The following PPP2R2B variants were observed in gnomAD, a reference collection of about 807,000 sequenced individuals.
PPP2R2B encodes the protein protein phosphatase 2 regulatory subunit Bbeta.
A neutral mutation model predicts 46.0 loss-of-function variants in PPP2R2B; 5 were observed. That is an observed-to-expected ratio of 0.11 (90% CI 0.06 to 0.23). The LOEUF (loss-of-function observed/expected upper bound fraction) is 0.23, where lower values mean the gene tolerates loss of function less well. PPP2R2B is among the 10% of genes least tolerant of loss of function. The pLI is 1.00. For missense variants in PPP2R2B, 367 were observed against 575.0 expected (o/e 0.64, Z 3.70); for synonymous variants, 215 against 206.7 (o/e 1.04, Z -0.34).
chr5:146,797,238 T>A (rs1756594847), intron 2 of PPP2R2B, among the ~76,000 whole-genome samples: 1 of 152,236 alleles, frequency 6.6e-6, no homozygotes. Flanking sequence ...ATGCACCATC[T>A]GTGGATTCTT....
chr5:146,626,259 T>G (rs552299010), intron 7 of PPP2R2B, among the ~76,000 whole-genome samples: 4 of 150,668 alleles, frequency 2.7e-5, no homozygotes, highest in Admixed American at 1.4e-4. Flanking sequence ...AGGTGAACTT[T>G]GATTTCACTG....
At chr5:147,055,847 G>C (rs757646208) in exon 1 of PPP2R2B, 1 of 1,489,762 alleles carries the variant, frequency 6.7e-7, no homozygotes, top group Non-Finnish European at 8.9e-7. Context: ...TGTTTATGTA[G>C]GTTCTTTCCC....
rs150070863 is a variant in PPP2R2B at position 146,717,709 on chromosome 5, C to T, written c.71-16567G>A. On this transcript the variant is annotated intron_variant, in intron 2 of 9. Transcript: ENST00000394411. ...GTCATCATTAAGAACACTTTGTGAA[C>T]GGGCCCTTTCCTCCCTCGCAAACTA... 3.9e-3 allele frequency among the ~76,000 whole-genome samples: 595 copies of T among 152,172 alleles called. 2 individuals carry two copies. Among genetic ancestry groups the T allele is most frequent in the South Asian group, 0.015 (70 of 4,808 alleles).
intron 4 of PPP2R2B, among the ~76,000 whole-genome samples, chr5:146,694,948 T>G (rs1351471024): frequency 6.6e-6 from 1 of 152,124 alleles, no homozygotes; most frequent in East Asian, 1.9e-4. Context: ...AGAATATATT[T>G]GTATACTATA....
chr5:146,593,838 C>T (rs1050627006), intron 8 of PPP2R2B, among the ~76,000 whole-genome samples: 3 of 152,118 alleles, frequency 2.0e-5, no homozygotes, highest in African/African-American at 7.2e-5. Flanking sequence ...AAGAAGAGAC[C>T]TCACAGAAAG....
chr5:146,715,851 C>T (rs1780468697), intron 2 of PPP2R2B, among the ~76,000 whole-genome samples: 2 of 151,998 alleles, frequency 1.3e-5, no homozygotes, highest in Non-Finnish European at 2.9e-5. Flanking sequence ...TCATCTTTCA[C>T]TCACAGTTGT....
At chr5:146,688,119 T>A (rs573991930) in intron 5 of PPP2R2B, among the ~76,000 whole-genome samples, 226 of 152,166 alleles carry the variant, frequency 1.5e-3, no homozygotes, top group African/African-American at 5.3e-3. Flanking sequence ...GACTTTTCAG[T>A]GTTTAAAGAG....
At position 146,691,259 on chromosome 5, in the gene PPP2R2B, T is replaced by C; in HGVS notation, c.335-19A>G. On this transcript the variant is annotated intron_variant, in intron 4 of 9. Coordinates refer to ENST00000394411, the MANE Select transcript of PPP2R2B (RefSeq NM_181675.4). ...GTTTTATCTGTAGTGGGCAACCAGA[T>C]TAAGTCAGAATTATAGTGAAAAGCA... 2 of 1,606,562 alleles carry C rather than the reference T, an allele frequency of 1.2e-6. No individual in the cohort carries two copies. The highest frequency in any genetic ancestry group is 3.3e-4 in the Middle Eastern group (2 of 6,052).
intron 1 of PPP2R2B, among the ~76,000 whole-genome samples, chr5:147,007,559 C>T (rs1367393598): frequency 6.6e-6 from 1 of 152,178 alleles, no homozygotes; most frequent in Admixed American, 6.5e-5. Context: ...GCAAACTGCT[C>T]AGGTCCCCTT....
chr5:147,047,140 T>C (rs1756581874), intron 1 of PPP2R2B, among the ~76,000 whole-genome samples: 1 of 152,034 alleles, frequency 6.6e-6, no homozygotes, highest in Non-Finnish European at 1.5e-5. Flanking sequence ...CACCATGTTG[T>C]ATCAAAACAC....
chr5:146,703,780 TATG>T (rs1410046272), intron 2 of PPP2R2B, among the ~76,000 whole-genome samples: 1 of 152,216 alleles, frequency 6.6e-6, no homozygotes, highest in Non-Finnish European at 1.5e-5. Context: ...AATTCTGCAT[TATG>T]GAGTATTAGG....
At chr5:147,004,480 C>T (rs557321214) in intron 1 of PPP2R2B, among the ~76,000 whole-genome samples, 3 of 152,304 alleles carry the variant, frequency 2.0e-5, no homozygotes, top group African/African-American at 4.8e-5. Context: ...TCCTGGATGA[C>T]TGTCCTCAAG....
At chr5:146,864,937 G>A (rs1378193620) in intron 2 of PPP2R2B, among the ~76,000 whole-genome samples, 1 of 152,096 alleles carries the variant, frequency 6.6e-6, no homozygotes, top group Non-Finnish European at 1.5e-5. Context: ...TATTCCTTGG[G>A]ATAGCCATTT....
chr5:147,045,060 G>T (rs900578001), intron 1 of PPP2R2B, among the ~76,000 whole-genome samples: 3 of 152,088 alleles, frequency 2.0e-5, no homozygotes, highest in Non-Finnish European at 4.4e-5. Flanking sequence ...CAATAAACAG[G>T]TGTCCATGTT....
chr5:146,638,942 A>C (rs1184050586), intron 6 of PPP2R2B, among the ~76,000 whole-genome samples: 1 of 152,250 alleles, frequency 6.6e-6, no homozygotes, highest in Non-Finnish European at 1.5e-5. Context: ...GCTGCCACCA[A>C]TAATGGAGCA....
chr5:146,894,093 C>T (rs1042324531), intron 1 of PPP2R2B, among the ~76,000 whole-genome samples: 2 of 152,252 alleles, frequency 1.3e-5, no homozygotes, highest in African/African-American at 2.4e-5. Flanking sequence ...TATCCATTTA[C>T]GCTGCTACTA....
intron 1 of PPP2R2B, among the ~76,000 whole-genome samples, chr5:146,937,872 A>G (rs754605181): frequency 6.6e-6 from 1 of 152,172 alleles, no homozygotes; most frequent in South Asian, 2.1e-4. Flanking sequence ...TTGAAAGAAA[A>G]TTCATTACAT....
rs190285030 is a variant in PPP2R2B at position 146,647,278 on chromosome 5, A to G, written c.625+3269T>C. On this transcript the variant is annotated intron_variant, in intron 6 of 9. Transcript: ENST00000394411. ...AGTAGTAGCCACACTATGCTTTGGG[A>G]ATCCCAAATTATTCTATCCTGAACC... 8.9e-4 allele frequency among the ~76,000 whole-genome samples: 135 copies of G among 152,370 alleles called. 1 individual carries two copies. The highest frequency in any genetic ancestry group is 2.0e-3 in the Admixed American group (30 of 15,308).
Position 146,832,377 on chromosome 5 carries a change from ATCT to A in PPP2R2B, c.70+45622_70+45624del, listed in dbSNP as rs1758999408. Among the ~76,000 whole-genome samples the A allele has an allele frequency of 1.9e-5, 2 of 104,298 alleles. 1 individual carries two copies. The allele number at this position is 104,298 out of a possible 152,430, so 68.4% of individuals were successfully genotyped here. On this transcript the variant is annotated intron_variant, in intron 2 of 9. Coordinates refer to ENST00000394411, the MANE Select transcript of PPP2R2B (RefSeq NM_181675.4). ...TACACAAGTAAGTGTGCCATTTTTA[ATCT>A]TTTTTTTTTTTTTTTTTTTTTTTTT...
Sources: gnomAD v4.1 joint callset for allele counts (sites outside exome capture counted in the v4.1 genomes callset) on GRCh38, gnomAD v4.1.1 for gene constraint, MANE v1.5 for transcripts, NCBI Gene and HGNC (gene_info 2026-07-23, HGNC 2026-07-21) for gene names.